Variants in ULK4 observed in about 807,000 individuals in gnomAD.
ULK4 encodes the protein unc-51 like kinase 4.
In ULK4, 133 loss-of-function variants were observed where a neutral mutation model predicts 160.6. That is an observed-to-expected ratio of 0.83 (90% confidence interval 0.72 to 0.96). The LOEUF (loss-of-function observed/expected upper bound fraction) is 0.96, where lower values mean the gene tolerates loss of function less well. ULK4 is among the 40% of genes least tolerant of loss of function. The probability of loss-of-function intolerance (pLI) is 0.00; values close to 1 mark genes in which losing one functional copy is unlikely to be tolerated. For missense variants in ULK4, 1,580 were observed against 1,499.5 expected, an observed-to-expected ratio of 1.05 and a Z score of -0.89; for synonymous variants, 534 against 539.8, an observed-to-expected ratio of 0.99 and a Z score of 0.15.
At chr3:41,256,339 G>C (rs551067015) in intron 35 of ULK4, among the ~76,000 whole-genome samples, 4 of 152,110 alleles carry the variant, frequency 2.6e-5, no homozygotes, top group Non-Finnish European at 4.4e-5. Context: ...AACTTTAAGA[G>C]GCACTACATG....
At chr3:41,897,678 T>G (rs1037642804) in intron 14 of ULK4, among the ~76,000 whole-genome samples, 1 of 152,206 alleles carries the variant, frequency 6.6e-6, no homozygotes, top group Non-Finnish European at 1.5e-5. Context: ...CTATTAATAA[T>G]ACTTTGCTTC....
chr3:41,300,247 C>G lies in ULK4; in HGVS notation c.3679-50673G>C, dbSNP rs977842384. ...TCACCGAATAAATGAGGCTGGCATA[C>G]AATTTGAAACTGCAAAGAACTAACT... is the stretch of plus-strand genomic sequence containing the variant. On this transcript the variant is annotated intron_variant, in intron 35 of 36. Coordinates refer to ENST00000301831, the MANE Select transcript of ULK4 (RefSeq NM_017886.4). Among the ~76,000 whole-genome samples the G allele has an allele frequency of 3.3e-5, 5 of 152,174 alleles. No individual in the cohort carries two copies. The East Asian group carries it at 9.6e-4, about 29-fold the overall frequency.
intron 30 of ULK4, among the ~76,000 whole-genome samples, chr3:41,621,274 C>A (rs763219869): frequency 1.3e-5 from 2 of 152,058 alleles, no homozygotes; most frequent in Admixed American, 1.3e-4. Context: ...TTTTAAATGT[C>A]ATATGGAACC....
intron 17 of ULK4, among the ~76,000 whole-genome samples, chr3:41,839,960 CATAG>C (rs1427199768): frequency 1.3e-5 from 2 of 152,104 alleles, no homozygotes; most frequent in East Asian, 3.9e-4. Context: ...AGACTATGTT[CATAG>C]ATAGGAAGAC....
chr3:41,681,551 C>G lies in ULK4; in HGVS notation c.2935G>C (p.Asp979His). The G allele has an allele frequency of 6.2e-7, 1 of 1,613,962 alleles. No homozygotes were observed. Among genetic ancestry groups the G allele is most frequent in the Non-Finnish European group, 8.5e-7 (1 of 1,179,976 alleles). Residue 979 changes from aspartate (D) to histidine (H), a missense_variant, in exon 29 of 37, where the codon GAC becomes CAC. Physicochemically the swap from Asp to His is moderately conservative, Grantham distance 81. Coordinates refer to ENST00000301831, the MANE Select transcript of ULK4 (RefSeq NM_017886.4). ...DGKEKASVDS[D>H]SNLLALIRDV... ...CGAATGAGAGCCAGAAGATTGCTGT[C>G]AGAATCAACACTGGCCTTCTCCTTG...
At chr3:41,367,912 G>A (rs1324807948) in intron 35 of ULK4, among the ~76,000 whole-genome samples, 2 of 152,044 alleles carry the variant, frequency 1.3e-5, no homozygotes. Flanking sequence ...TATGTCATGT[G>A]TGTGCCAAGA....
chr3:41,360,987 A>G (rs2081131336), intron 35 of ULK4, among the ~76,000 whole-genome samples: 1 of 152,200 alleles, frequency 6.6e-6, no homozygotes, highest in South Asian at 2.1e-4. Context: ...ATATATCAGC[A>G]TATCATATTC....
chr3:41,935,017 A>ATTTTTTT (rs10635589), intron 4 of ULK4, among the ~76,000 whole-genome samples: 2 of 112,874 alleles, frequency 1.8e-5, no homozygotes, highest in Non-Finnish European at 3.3e-5. Flanking sequence ...TTATTTATTA[A>ATTTTTTT]TTTTTTTTTT....
chr3:41,511,654 CCAA>C (rs2085581906), intron 32 of ULK4, among the ~76,000 whole-genome samples: 1 of 149,988 alleles, frequency 6.7e-6, no homozygotes, highest in South Asian at 2.1e-4. Flanking sequence ...TTAAAAATTG[CCAA>C]CAACAAAAAA....
At chr3:41,311,143 G>A (rs146250855) in intron 35 of ULK4, among the ~76,000 whole-genome samples, 199 of 152,286 alleles carry the variant, frequency 1.3e-3, no homozygotes, top group African/African-American at 4.5e-3. Flanking sequence ...TATTCTAGAT[G>A]TTCAACAAAA....
intron 32 of ULK4, among the ~76,000 whole-genome samples, chr3:41,532,259 T>C (rs2086345757): frequency 6.6e-6 from 1 of 152,222 alleles, no homozygotes; most frequent in Non-Finnish European, 1.5e-5. Context: ...GCTTTTGCAC[T>C]TGCTGTTCTC....
intron 30 of ULK4, among the ~76,000 whole-genome samples, chr3:41,619,551 A>C (rs1376216421): frequency 6.6e-6 from 1 of 152,096 alleles, no homozygotes; most frequent in Non-Finnish European, 1.5e-5. Context: ...GCAGAAATAA[A>C]GTTATTTGAG....
intron 32 of ULK4, among the ~76,000 whole-genome samples, chr3:41,520,125 A>G (rs190206297): frequency 6.6e-6 from 1 of 152,326 alleles, no homozygotes; most frequent in Non-Finnish European, 1.5e-5. Context: ...AAGTACATTC[A>G]CAGTGTTGTG....
intron 35 of ULK4, chr3:41,277,846 T>C (rs2079256290): frequency 6.6e-6 from 1 of 152,170 alleles, no homozygotes; most frequent in Admixed American, 6.5e-5. Context: ...GATGGCCAAA[T>C]GGGAACAGCT....
intron 5 of ULK4, among the ~76,000 whole-genome samples, chr3:41,928,383 C>G (rs1054370687): frequency 7.2e-5 from 11 of 151,852 alleles, no homozygotes; most frequent in African/African-American, 2.4e-4. Context: ...CACTAAATGC[C>G]CACAAGAGAA....
At chr3:41,642,572 C>T (rs1010160657) in intron 30 of ULK4, among the ~76,000 whole-genome samples, 2 of 152,180 alleles carry the variant, frequency 1.3e-5, no homozygotes, top group Non-Finnish European at 2.9e-5. Flanking sequence ...GCCACATTTT[C>T]TTAATCCACT....
chr3:41,600,528 T>C (rs966162605), intron 31 of ULK4, among the ~76,000 whole-genome samples: 2 of 152,154 alleles, frequency 1.3e-5, no homozygotes, highest in South Asian at 2.1e-4. Context: ...GCATACATAC[T>C]TGGGGGAAAG....
At chr3:41,543,347 A>T (rs528871834) in intron 32 of ULK4, among the ~76,000 whole-genome samples, 1 of 152,218 alleles carries the variant, frequency 6.6e-6, no homozygotes, top group Admixed American at 6.5e-5. Flanking sequence ...ATGTATATAT[A>T]TATTTAATTT....
At chr3:41,938,032 C>CA in intron 3 of ULK4, 66 bp downstream of exon 3, 1 of 1,260,988 alleles carries the variant, frequency 7.9e-7, no homozygotes, top group Non-Finnish European at 1.1e-6. Context: ...TCAAAAGTAA[C>CA]AAAACTTAAC....
Sources: gnomAD v4.1 joint callset for allele counts (sites outside exome capture counted in the v4.1 genomes callset) on GRCh38, gnomAD v4.1.1 for gene constraint, MANE v1.5 for transcripts, NCBI Gene and HGNC (gene_info 2026-07-23, HGNC 2026-07-21) for gene names.